CD3G: variants seen among roughly 807,000 people sequenced by gnomAD.
CD3G encodes CD3 gamma subunit of T-cell receptor complex.
Under a neutral mutation model 28.3 loss-of-function variants are expected in CD3G, and 24 were observed. The observed-to-expected ratio is 0.85, with a 90% CI of 0.61 to 1.19. The LOEUF (loss-of-function observed/expected upper bound fraction) is 1.19, where lower values mean the gene tolerates loss of function less well. Among genes scored for constraint, CD3G ranks in the 50% most tolerant of loss-of-function variants. CD3G has a pLI of 0.00. For synonymous variants in CD3G, 71 were observed against 75.9 expected (o/e 0.93, Z 0.34); for missense variants, 211 against 210.0 (o/e 1.00, Z -0.03).
chr11:118,344,520 A>C, intron 1 of CD3G, 42 bp downstream of exon 1: 9 of 1,462,968 alleles, frequency 6.2e-6, no homozygotes, highest in East Asian at 2.4e-5. Context: ...GGAAGGGCTC[A>C]AGGGAAGAGC....
chr11:118,352,059 A>G (rs1480145415), intron 5 of CD3G, among the ~76,000 whole-genome samples: 3 of 151,794 alleles, frequency 2.0e-5, no homozygotes, highest in Admixed American at 2.0e-4. Context: ...CTAAAAATAC[A>G]AAAAAAATTA....
chr11:118,350,013 T>A, intron 3 of CD3G, 43 bp downstream of exon 3: 1 of 1,501,560 alleles, frequency 6.7e-7, no homozygotes, highest in South Asian at 1.1e-5. Flanking sequence ...AATTAATCAG[T>A]ATTTGCTGTT....
Position 118,350,632 on chromosome 11 carries a change from G to T in CD3G, c.388G>T (p.Ala130Ser). Residue 130 changes from alanine to serine, a missense_variant, in exon 4 of 7, where the codon GCT becomes TCT. Physicochemically the swap from Ala to Ser is moderately conservative, Grantham distance 99. Coordinates refer to ENST00000532917, the MANE Select transcript of CD3G (RefSeq NM_000073.3). ...TGAAATCGTCAGCATTTTCGTCCTTGCTGTTGGGGTCTACTTCATTGCTGG... is the reference window on the plus strand; with the variant it reads ...TGAAATCGTCAGCATTTTCGTCCTTTCTGTTGGGGTCTACTTCATTGCTGG... ...FAEIVSIFVLAVGVYFIAGQD... is the reference protein window; with the variant it reads ...FAEIVSIFVLSVGVYFIAGQD... 6.2e-7 allele frequency: 1 copy of T among 1,613,958 alleles called. No homozygotes were observed. The highest frequency in any genetic ancestry group is 8.5e-7 in the Non-Finnish European group (1 of 1,179,972).
chr11:118,351,985 GGTGAAT>G, intron 5 of CD3G, among the ~76,000 whole-genome samples: 2 of 152,022 alleles, frequency 1.3e-5, no homozygotes, highest in Non-Finnish European at 2.9e-5. Flanking sequence ...AGCCAAAACA[GGTGAAT>G]CACCTGAGGT....
intron 1 of CD3G, among the ~76,000 whole-genome samples, chr11:118,346,318 TC>T (rs1948355547): frequency 6.6e-6 from 1 of 152,066 alleles, no homozygotes; most frequent in Non-Finnish European, 1.5e-5. Context: ...GTGCCTGTAA[TC>T]CCAGCTACTC....
rs984506837 is a variant in CD3G at position 118,354,838 on chromosome 11, C to G, written c.*1738C>G. On this transcript the variant is annotated 3_prime_UTR_variant, in exon 7 of 7. Transcript: ENST00000532917. ...TGTTTGTCTTCTTACTATTGGGTTG[C>G]ATATGTTTTTGATATAAGTCCTTTA... 1 of 152,028 alleles carries G rather than the reference C, an allele frequency of 6.6e-6. No homozygotes were observed. The highest frequency in any genetic ancestry group is 1.5e-5 in the Non-Finnish European group (1 of 67,998). 9.4% of individuals were successfully genotyped at this position (152,028 alleles called of 1,614,324 possible). A position where few individuals can be genotyped will look rare whatever the true frequency, so the allele number is the denominator to read the frequency against.
Position 118,349,800 on chromosome 11 carries a change from G to T in CD3G, c.137G>T (p.Cys46Phe), listed in dbSNP as rs1948388931. The T allele has an allele frequency of 1.2e-6, 2 of 1,614,138 alleles. No homozygotes were observed. The highest frequency in any genetic ancestry group is 1.7e-6 in the Non-Finnish European group (2 of 1,180,010). ...YQEDGSVLLT[C>F]DAEAKNITWF... ...GAAGATGGTTCGGTACTTCTGACTT[G>T]TGATGCAGAAGCCAAAAATATCACA... is the stretch of plus-strand genomic sequence containing the variant. The change falls in exon 3 of 7, where the codon TGT becomes TTT. Residue 46 changes from cysteine to phenylalanine, a missense_variant. Coordinates refer to ENST00000532917, the MANE Select transcript of CD3G (RefSeq NM_000073.3).
At chr11:118,349,273 G>A in intron 2 of CD3G, 1 of 1,451,902 alleles carries the variant, frequency 6.9e-7, no homozygotes, top group Non-Finnish European at 9.1e-7. Context: ...GGAGAAGCAG[G>A]ACCCTAGTAG....
intron 1 of CD3G, among the ~76,000 whole-genome samples, chr11:118,348,775 T>C (rs936477303): frequency 6.6e-6 from 1 of 152,172 alleles, no homozygotes; most frequent in African/African-American, 2.4e-5. Flanking sequence ...GCCACTCCTG[T>C]CACTCATGAA....
intron 3 of CD3G, 105 bp from the exon 4 acceptor site, chr11:118,350,447 A>G: frequency 1.2e-6 from 1 of 849,656 alleles, no homozygotes; most frequent in Non-Finnish European, 2.0e-6. Context: ...ACAGAGGAAA[A>G]GCCTGCTGCC....
At position 118,354,687 on chromosome 11, in the gene CD3G, T is replaced by C. The variant is rs151253659; in HGVS notation, c.*1587T>C. On this transcript the variant is annotated 3_prime_UTR_variant, in exon 7 of 7. Coordinates refer to ENST00000532917, the MANE Select transcript of CD3G (RefSeq NM_000073.3). ...ATGGATTTAATATGGTATTTTATTATGGCCTTAATTTGCATTTCCCTAGAT... is the reference window on the plus strand; with the variant it reads ...ATGGATTTAATATGGTATTTTATTACGGCCTTAATTTGCATTTCCCTAGAT... 1 of 152,260 alleles carries C rather than the reference T, an allele frequency of 6.6e-6. No individual in the cohort carries two copies. Among genetic ancestry groups the C allele is most frequent in the East Asian group, 1.9e-4 (1 of 5,192 alleles). The allele number at this position is 152,260 out of a possible 1,614,324, so 9.4% of individuals were successfully genotyped here. A position where few individuals can be genotyped will look rare whatever the true frequency, so the allele number is the denominator to read the frequency against.
chr11:118,348,665 G>T (rs1235947108), intron 1 of CD3G, among the ~76,000 whole-genome samples: 1 of 152,152 alleles, frequency 6.6e-6, no homozygotes, highest in African/African-American at 2.4e-5. Flanking sequence ...TTTCAAAGCT[G>T]CAATCCTCTT....
In CD3G at chr11:118,349,914, T is replaced by G; in HGVS notation, c.251T>G (p.Met84Arg). The part of the protein sequence containing the change: ...LGSNAKDPRG[M>R]YQCKGSQNKS... ...AGTAATGCCAAGGACCCTCGAGGGA[T>G]GTATCAGTGTAAAGGATCACAGAAC... The change falls in exon 3 of 7, where the codon ATG becomes AGG. Residue 84 changes from methionine (M) to arginine (R), a missense_variant. By Grantham distance (91) the Met-to-Arg change is moderately conservative (BLOSUM62 -1). Coordinates refer to ENST00000532917, the MANE Select transcript of CD3G (RefSeq NM_000073.3). The G allele has an allele frequency of 6.2e-7, 1 of 1,614,106 alleles. No individual in the cohort carries two copies. Among genetic ancestry groups the G allele is most frequent in the Non-Finnish European group, 8.5e-7 (1 of 1,180,016 alleles).
intron 6 of CD3G, among the ~76,000 whole-genome samples, 194 bp from the exon 7 acceptor site, chr11:118,352,925 A>G (rs575471584): frequency 6.6e-6 from 1 of 152,158 alleles, no homozygotes. Context: ...GACATTACCA[A>G]ATGTGTCCAA....
rs769313353 is a variant in CD3G, at chr11:118,351,643, C to T, written c.455C>T (p.Thr152Ile). The stretch of plus-strand genomic sequence containing the variant: ...TTTTGTGCAGCTTCAGACAAGCAGA[C>T]TCTGTTGCCCAATGACCAGCTCTAC... Reference protein sequence around the residue: ...VRQSRASDKQTLLPNDQLYQP... With the variant: ...VRQSRASDKQILLPNDQLYQP... The change falls in exon 5 of 7, where the codon ACT (threonine) becomes ATT (isoleucine). Residue 152 changes from threonine to isoleucine, a missense_variant. Thr to Ile is a moderately conservative substitution (Grantham distance 89). Transcript: ENST00000532917. The T allele has an allele frequency of 1.2e-6, 2 of 1,613,976 alleles. No individual in the cohort carries two copies. The highest frequency in any genetic ancestry group is 1.7e-5 in the Admixed American group (1 of 60,000).
At position 118,349,981 on chromosome 11, in the gene CD3G, C is replaced by T; in HGVS notation, c.307+11C>T. ...AAGTGTATTACAGAAGTATGTAATC[C>T]CCTTTGGTCTGTTTGTTGTGAAATT... On this transcript the variant is annotated intron_variant, in intron 3 of 6. Transcript: ENST00000532917. 2 of 1,597,838 alleles carry T rather than the reference C, an allele frequency of 1.3e-6. No homozygotes were observed. The highest frequency in any genetic ancestry group is 1.7e-4 in the Middle Eastern group (1 of 6,034).
intron 2 of CD3G, chr11:118,349,520 C>T: frequency 1.6e-6 from 1 of 620,846 alleles, no homozygotes; most frequent in South Asian, 2.0e-5. Context: ...TATTCTTCAC[C>T]CCCTGACGCA....
intron 1 of CD3G, among the ~76,000 whole-genome samples, chr11:118,346,144 T>C (rs913769920): frequency 5.9e-5 from 9 of 152,256 alleles, no homozygotes; most frequent in Admixed American, 5.2e-4. Context: ...AATCCAGAAA[T>C]GTGGCAGGGA....
At chr11:118,352,049 C>A (rs547007210) in intron 5 of CD3G, among the ~76,000 whole-genome samples, 2 of 152,072 alleles carry the variant, frequency 1.3e-5, no homozygotes, top group South Asian at 2.1e-4. Context: ...TCTGTCTCTA[C>A]TAAAAATACA....
Sources: allele counts gnomAD v4.1 joint callset (sites outside exome capture counted in the v4.1 genomes callset), GRCh38; gene constraint gnomAD v4.1.1; transcripts MANE v1.5; gene names NCBI Gene and HGNC (gene_info 2026-07-23, HGNC 2026-07-21).